The following HDLBP variants were observed in gnomAD, a reference collection of about 807,000 sequenced individuals.
HDLBP encodes high density lipoprotein binding protein.
HDLBP carries 30 observed loss-of-function variants against 137.3 expected under a neutral mutation model. The ratio of observed to expected loss-of-function variants is 0.22; its 90% CI spans 0.16 to 0.30. The LOEUF is 0.30. Ranked by LOEUF, HDLBP falls within the 10% of genes least tolerant of loss-of-function variation. HDLBP has a pLI of 1.00. For synonymous variants in HDLBP, 606 were observed against 596.0 expected (o/e 1.02, Z -0.24); for missense variants, 1,119 against 1,667.3 (o/e 0.67, Z 5.73).
chr2:241,305,049 G>A (rs1399099331), intron 1 of HDLBP, among the ~76,000 whole-genome samples: 1 of 152,182 alleles, frequency 6.6e-6, no homozygotes, highest in Non-Finnish European at 1.5e-5. Flanking sequence ...ATTATCATCT[G>A]TGAGGACACC....
At chr2:241,247,435 C>T (rs914832393) in intron 14 of HDLBP, 33 of 418,354 alleles carry the variant, frequency 7.9e-5, no homozygotes, top group Admixed American at 2.1e-4. Flanking sequence ...GGAGACAGCA[C>T]GGACCCCTAC....
At position 241,255,070 on chromosome 2, in the gene HDLBP, A is replaced by G; in HGVS notation, c.1169T>C (p.Ile390Thr). 6.2e-7 allele frequency: 1 copy of G among 1,613,788 alleles called. No individual in the cohort carries two copies. The part of the protein sequence containing the change: ...IGKKGQNLAK[I>T]TQQMPKVHIE... ...CCTTACCTTTGGCATCTGCTGAGTG[A>G]TTTTGGCCAGGTTCTGCCCTTTCTT... The change falls in exon 9 of 28, where the codon ATC (isoleucine) becomes ACC (threonine). Residue 390 changes from isoleucine to threonine, a missense_variant. Transcript: ENST00000310931.
intron 1 of HDLBP, among the ~76,000 whole-genome samples, chr2:241,298,045 CAAAAAAAAAAAAAAAAAAA>C (rs71049568): frequency 3.4e-4 from 8 of 23,360 alleles, no homozygotes; most frequent in African/African-American, 1.3e-3. Flanking sequence ...GACCCTGTCT[CAAAAAAAAAAAAAAAAAAA>C]AAAAAAAAAA....
At chr2:241,293,797 T>C (rs2075084063) in intron 1 of HDLBP, among the ~76,000 whole-genome samples, 2 of 145,654 alleles carry the variant, frequency 1.4e-5, no homozygotes, top group East Asian at 4.1e-4. Context: ...GGCACGTGCC[T>C]GTAGTCCCCA....
Position 241,248,031 on chromosome 2 carries a change from T to C in HDLBP, c.1703A>G (p.Lys568Arg). Residue 568 changes from lysine (K) to arginine (R), a missense_variant, in exon 14 of 28, where the codon AAA becomes AGA. Coordinates refer to ENST00000310931, the MANE Select transcript of HDLBP (RefSeq NM_005336.6). Reference sequence around the variant, plus strand: ...ATCTGCCACCATCTTCTGCATGTATTTTGTGCATTTTTCCACCTCATTCTT... The same window carrying C: ...ATCTGCCACCATCTTCTGCATGTATCTTGTGCATTTTTCCACCTCATTCTT... The part of the protein sequence containing the change: ...GPKNEVEKCT[K>R]YMQKMVADLV... 1 of 1,613,842 alleles carries C rather than the reference T, an allele frequency of 6.2e-7. No individual in the cohort carries two copies. The highest frequency in any genetic ancestry group is 8.5e-7 in the Non-Finnish European group (1 of 1,179,690).
At chr2:241,256,976 G>T (rs1433659434) in intron 5 of HDLBP, among the ~76,000 whole-genome samples, 170 bp from the exon 6 acceptor site, 6 of 152,292 alleles carry the variant, frequency 3.9e-5, no homozygotes, top group Admixed American at 1.3e-4. Flanking sequence ...GGGGAAGGTT[G>T]CCCTGACTCC....
chr2:241,306,647 A>T (rs1486620239), intron 1 of HDLBP, among the ~76,000 whole-genome samples: 1 of 151,978 alleles, frequency 6.6e-6, no homozygotes, highest in Admixed American at 6.6e-5. Flanking sequence ...GCTCATGCCT[A>T]TTATCACAGC....
At chr2:241,256,492 C>T (rs2072624950) in intron 6 of HDLBP, 93 bp from the exon 7 acceptor site, 1 of 1,492,222 alleles carries the variant, frequency 6.7e-7, no homozygotes, top group South Asian at 1.2e-5. Context: ...AGCCCTCCAC[C>T]CCCACCACAT....
At chr2:241,261,451 G>A (rs919429499) in intron 5 of HDLBP, among the ~76,000 whole-genome samples, 6 of 152,142 alleles carry the variant, frequency 3.9e-5, no homozygotes, top group Non-Finnish European at 5.9e-5. Flanking sequence ...ACATGAAAAC[G>A]GGAAGATCTG....
At chr2:241,302,191 G>A (rs576141546) in intron 1 of HDLBP, among the ~76,000 whole-genome samples, 3 of 152,146 alleles carry the variant, frequency 2.0e-5, no homozygotes, top group East Asian at 3.9e-4. Flanking sequence ...CCAGGAGTTC[G>A]AGACTGCAGT....
rs961219877 is a variant in HDLBP at position 241,272,579 on chromosome 2, G to A, written c.-102-4038C>T. On this transcript the variant is annotated intron_variant, in intron 1 of 27. Transcript: ENST00000310931. The surrounding 1 kb of genome is among the most constrained non-coding windows in gnomAD (Gnocchi z 5.6). ...GGTCTGGCCCGGAACCGCCACGCGC[G>A]GTAAGCAGGACACCCGCGGGCGGGG... is the stretch of plus-strand genomic sequence containing the variant. 1 of 984,182 alleles carries A rather than the reference G, an allele frequency of 1.0e-6. No individual in the cohort carries two copies. The allele number at this position is 984,182 out of a possible 1,614,324, so 61.0% of individuals were successfully genotyped here.
In HDLBP at chr2:241,235,542, T is replaced by C. The variant is rs775385733; in HGVS notation, c.2957A>G (p.Tyr986Cys). The C allele has an allele frequency of 6.2e-7, 1 of 1,614,032 alleles. No homozygotes were observed. Among genetic ancestry groups the C allele is most frequent in the South Asian group, 1.1e-5 (1 of 91,070 alleles). Residue 986 changes from tyrosine (Y) to cysteine (C), a missense_variant, in exon 22 of 28, where the codon TAC becomes TGC. This residue lies in a region of HDLBP where 618 missense variants were observed against 816.7 expected (regional missense o/e 0.76). Transcript: ENST00000310931. ...EVEVPFDLHRYVIGQKGSGIR... is the reference protein window; with the variant it reads ...EVEVPFDLHRCVIGQKGSGIR... ...CCCACTTCCTTTCTGCCCAATAACG[T>C]AACGGTGAAGGTCAAAGGGCACCTC...
intron 1 of HDLBP, among the ~76,000 whole-genome samples, chr2:241,311,445 G>A (rs1260293951): frequency 5.9e-5 from 9 of 152,194 alleles, no homozygotes; most frequent in Non-Finnish European, 1.3e-4. Context: ...ATAGGTTCCA[G>A]AAAAGTGAGG....
chr2:241,276,484 A>C (rs1332657091), intron 1 of HDLBP, among the ~76,000 whole-genome samples: 2 of 152,140 alleles, frequency 1.3e-5, no homozygotes, highest in African/African-American at 2.4e-5. Flanking sequence ...AAAACACAAA[A>C]CTGATGAGAG....
chr2:241,247,962 C>T (rs1453235670), intron 14 of HDLBP, 41 bp downstream of exon 14: 10 of 1,413,616 alleles, frequency 7.1e-6, no homozygotes, highest in East Asian at 4.5e-5. Flanking sequence ...CCCACCCACC[C>T]CAGGTGCTGT....
intron 20 of HDLBP, among the ~76,000 whole-genome samples, chr2:241,237,404 A>G (rs760235827): frequency 1.2e-4 from 18 of 152,208 alleles, no homozygotes; most frequent in Admixed American, 3.3e-4. Context: ...AATAGACACC[A>G]CAACAATAAG....
At chr2:241,278,445 T>C (rs1195333970) in intron 1 of HDLBP, among the ~76,000 whole-genome samples, 1 of 152,002 alleles carries the variant, frequency 6.6e-6, no homozygotes, top group East Asian at 1.9e-4. Flanking sequence ...TAGCCGGGCA[T>C]GGTGGCACAT....
At chr2:241,232,378 C>T (rs1021274739) in intron 24 of HDLBP, among the ~76,000 whole-genome samples, 1 of 151,838 alleles carries the variant, frequency 6.6e-6, no homozygotes, top group African/African-American at 2.4e-5. Flanking sequence ...TGCGTTCAAG[C>T]GATTCTCACG....
chr2:241,313,842 G>A (rs1390477028), intron 1 of HDLBP, among the ~76,000 whole-genome samples: 1 of 152,166 alleles, frequency 6.6e-6, no homozygotes, highest in African/African-American at 2.4e-5. Flanking sequence ...GGCGCTGAGG[G>A]ACGTGATATA....
Sources: gnomAD v4.1 joint callset for allele counts (sites outside exome capture counted in the v4.1 genomes callset) on GRCh38, gnomAD v4.1.1 for gene constraint, gnomAD v4.1.1 regional missense constraint, Gnocchi (gnomAD v3.1) non-coding constraint, MANE v1.5 for transcripts, NCBI Gene and HGNC (gene_info 2026-07-23, HGNC 2026-07-21) for gene names.